VPS35L: variants seen among roughly 807,000 people sequenced by gnomAD.
The protein encoded by VPS35L is VPS35 endosomal protein sorting factor like.
VPS35L carries 83 observed loss-of-function variants against 133.0 expected under a neutral mutation model. That is an observed-to-expected ratio of 0.62 (90% CI 0.52 to 0.75). The LOEUF is 0.75. VPS35L is among the 30% of genes least tolerant of loss of function. VPS35L has a pLI of 0.00. For synonymous variants in VPS35L, 423 were observed against 449.9 expected, an observed-to-expected ratio of 0.94 and a Z score of 0.76; for missense variants, 1,083 against 1,206.8, an observed-to-expected ratio of 0.90 and a Z score of 1.52.
At chr16:19,696,003 C>G (rs1975894879) in intron 29 of VPS35L, among the ~76,000 whole-genome samples, 2 of 152,060 alleles carry the variant, frequency 1.3e-5, no homozygotes, top group Admixed American at 6.6e-5. Context: ...TCTCCTGCCT[C>G]AGGCTTCCGA....
intron 5 of VPS35L, among the ~76,000 whole-genome samples, chr16:19,578,003 C>G (rs1430996703): frequency 6.6e-6 from 1 of 152,200 alleles, no homozygotes; most frequent in Non-Finnish European, 1.5e-5. Flanking sequence ...ATGAGCCAAC[C>G]CTTTGATCCA....
chr16:19,651,927 T>C (rs778717665), intron 25 of VPS35L, 49 bp from the exon 26 acceptor site: 2 of 1,310,560 alleles, frequency 1.5e-6, no homozygotes, highest in Non-Finnish European at 2.2e-6. Flanking sequence ...AGGAGTATGA[T>C]TCTGCCACCG....
At chr16:19,645,438 C>A (rs560418245) in intron 23 of VPS35L, among the ~76,000 whole-genome samples, 45 of 152,106 alleles carry the variant, frequency 3.0e-4, no homozygotes, top group African/African-American at 1.1e-3. Context: ...TACAGGCGCC[C>A]GGCACCACGC....
chr16:19,640,080 C>T lies in VPS35L; in HGVS notation c.1764C>T (p.Cys588=). 1 of 1,614,160 alleles carries T rather than the reference C, an allele frequency of 6.2e-7. No individual in the cohort carries two copies. Among genetic ancestry groups the T allele is most frequent in the South Asian group, 1.1e-5 (1 of 91,084 alleles). ...GTGTGCGGGTGGAGGTTTGCAAATG[C>T]ATCATGGACGCCTTTATCAAGTGAG... ...KESVRVEVCK[C]IMDAFIKHQQ... Residue 588 remains cysteine (C), a synonymous_variant, in exon 21 of 31, where the codon TGC becomes TGT. Coordinates refer to ENST00000417362, the MANE Select transcript of VPS35L (RefSeq NM_020314.7).
chr16:19,665,110 G>C (rs895188630), intron 26 of VPS35L, among the ~76,000 whole-genome samples: 1 of 152,162 alleles, frequency 6.6e-6, no homozygotes, highest in African/African-American at 2.4e-5. Context: ...CAGGCAGGCA[G>C]TGTATAATAA....
intron 28 of VPS35L, 137 bp from the exon 29 acceptor site, chr16:19,691,216 T>C: frequency 5.8e-6 from 4 of 688,606 alleles, no homozygotes; most frequent in Non-Finnish European, 1.0e-5. Flanking sequence ...CAGTGGGAAA[T>C]TTCCGCCACT....
At chr16:19,594,644 CAAAAAAAAAAAAAAA>C (rs57187565) in intron 8 of VPS35L, among the ~76,000 whole-genome samples, 8 of 31,500 alleles carry the variant, frequency 2.5e-4, no homozygotes, top group Admixed American at 1.2e-3. Context: ...GATTTCGTCT[CAAAAAAAAAAAAAAA>C]AAAAAAAAAA....
intron 7 of VPS35L, among the ~76,000 whole-genome samples, chr16:19,587,634 C>CAAA (rs781342533): frequency 1.5e-5 from 1 of 67,904 alleles, no homozygotes; most frequent in Non-Finnish European, 3.0e-5. Flanking sequence ...AACTCCGTCT[C>CAAA]AAAAAAAAAA....
chr16:19,678,595 A>C (rs1245236972), intron 27 of VPS35L, among the ~76,000 whole-genome samples: 1 of 151,364 alleles, frequency 6.6e-6, no homozygotes, highest in African/African-American at 2.4e-5. Context: ...CTCCTGCCTC[A>C]GCCTCCCAAG....
At chr16:19,673,763 C>T (rs1230048297) in intron 27 of VPS35L, among the ~76,000 whole-genome samples, 1 of 152,136 alleles carries the variant, frequency 6.6e-6, no homozygotes, top group Non-Finnish European at 1.5e-5. Flanking sequence ...TGGGAGTCCT[C>T]CACCCAAGCC....
chr16:19,618,840 A>G (rs1416719312), intron 14 of VPS35L, among the ~76,000 whole-genome samples: 1 of 151,806 alleles, frequency 6.6e-6, no homozygotes, highest in Non-Finnish European at 1.5e-5. Flanking sequence ...TCTGTGCGAG[A>G]GAGTTGGGAA....
At position 19,557,854 on chromosome 16, in the gene VPS35L, C is replaced by T. The variant is rs372741584; in HGVS notation, c.17+2108C>T. Among the ~76,000 whole-genome samples, 29 of 152,102 alleles carry T rather than the reference C, an allele frequency of 1.9e-4. 1 individual carries two copies. The highest frequency in any genetic ancestry group is 6.5e-4 in the African/African-American group (27 of 41,522). On this transcript the variant is annotated intron_variant, in intron 1 of 30. Transcript: ENST00000417362. ...CCACCTGAGGTCAGGAGTTCCAAGA[C>T]CAGCCTGCCCAACGTGGTGAAAGCC...
chr16:19,568,005 A>C (rs1395982282), intron 2 of VPS35L, among the ~76,000 whole-genome samples: 3 of 151,450 alleles, frequency 2.0e-5, no homozygotes, highest in Non-Finnish European at 4.4e-5. Flanking sequence ...CACTTCAGAA[A>C]CTCCAACTTC....
chr16:19,596,037 G>C (rs1972204470), intron 8 of VPS35L, among the ~76,000 whole-genome samples: 1 of 152,018 alleles, frequency 6.6e-6, no homozygotes, highest in Non-Finnish European at 1.5e-5. Context: ...CCAGCTACTC[G>C]GGAAGCTGAG....
Position 19,555,709 on chromosome 16 carries a change from A to G in VPS35L, c.-21A>G. 4.4e-6 allele frequency: 7 copies of G among 1,607,376 alleles called. No homozygotes were observed. The highest frequency in any genetic ancestry group is 5.9e-6 in the Non-Finnish European group (7 of 1,176,826). Reference sequence around the variant, plus strand: ...AAGCCGAGCAGACGGCCCCAGAACAAGCGGTCATGTGACTGGGAAGATGGC... The same window carrying G: ...AAGCCGAGCAGACGGCCCCAGAACAGGCGGTCATGTGACTGGGAAGATGGC... On this transcript the variant is annotated 5_prime_UTR_variant, in exon 1 of 31. Transcript: ENST00000417362.
intron 19 of VPS35L, among the ~76,000 whole-genome samples, chr16:19,635,693 GA>G (rs1311536111): frequency 3.3e-5 from 5 of 152,214 alleles, no homozygotes; most frequent in African/African-American, 1.2e-4. Context: ...AATAAAAAAT[GA>G]AGTGTTAAGG....
intron 7 of VPS35L, among the ~76,000 whole-genome samples, chr16:19,589,471 C>T (rs1971973110): frequency 6.6e-6 from 1 of 152,028 alleles, no homozygotes; most frequent in South Asian, 2.1e-4. Context: ...TCTTAAACTC[C>T]TGGGCCCAGG....
intron 16 of VPS35L, among the ~76,000 whole-genome samples, chr16:19,628,405 T>C (rs1973338125): frequency 6.6e-6 from 1 of 152,164 alleles, no homozygotes; most frequent in African/African-American, 2.4e-5. Context: ...TGAAAAACTT[T>C]GTCCAGTAGA....
At position 19,669,056 on chromosome 16, in the gene VPS35L, G is replaced by C. The variant is rs946011950; in HGVS notation, c.2222-104G>C. ...TAGGACCTGCCCTCGGCATGGCCTG[G>C]CTTCTACCTAACTCTCAGGACTGGC... is the stretch of plus-strand genomic sequence containing the variant. On this transcript the variant is annotated intron_variant, in intron 26 of 30. Transcript: ENST00000417362. 5 of 1,241,924 alleles carry C rather than the reference G, an allele frequency of 4.0e-6. No homozygotes were observed. The African/African-American group carries it at 7.5e-5, about 19-fold the overall frequency. 76.9% of individuals were successfully genotyped at this position (1,241,924 alleles called of 1,614,324 possible).
Sources: allele counts gnomAD v4.1 joint callset (sites outside exome capture counted in the v4.1 genomes callset), GRCh38; gene constraint gnomAD v4.1.1; transcripts MANE v1.5; gene names NCBI Gene and HGNC (gene_info 2026-07-23, HGNC 2026-07-21).